The following GRIN2A variants were observed in gnomAD, a reference collection of about 807,000 sequenced individuals.
The protein encoded by GRIN2A is glutamate receptor ionotropic, NMDA 2A.
Under a neutral mutation model 113.4 loss-of-function variants are expected in GRIN2A, and 22 were observed. That is an observed-to-expected ratio of 0.19 (90% CI 0.14 to 0.28). The LOEUF (loss-of-function observed/expected upper bound fraction) is 0.28. GRIN2A is among the 10% of genes least tolerant of loss of function. The pLI, the probability that GRIN2A is intolerant of heterozygous loss-of-function variation, is 1.00. For missense variants in GRIN2A, 1,502 were observed against 1,887.0 expected (o/e 0.80, Z 3.78); for synonymous variants, 827 against 738.4 (o/e 1.12, Z -1.94).
intron 4 of GRIN2A, among the ~76,000 whole-genome samples, chr16:9,869,392 C>T (rs2043217450): frequency 6.6e-6 from 1 of 152,248 alleles, no homozygotes; most frequent in East Asian, 1.9e-4. Flanking sequence ...TAAATCACAC[C>T]AATGCACTCC....
At chr16:9,986,421 A>T (rs768513725) in intron 2 of GRIN2A, among the ~76,000 whole-genome samples, 46 of 152,336 alleles carry the variant, frequency 3.0e-4, no homozygotes, top group Admixed American at 5.2e-4. Context: ...ATTTTATTTT[A>T]TAGTGTATTT....
intron 11 of GRIN2A, among the ~76,000 whole-genome samples, chr16:9,791,748 G>T (rs560597257): frequency 6.6e-6 from 1 of 151,882 alleles, no homozygotes; most frequent in Non-Finnish European, 1.5e-5. Flanking sequence ...CCAGCACGGG[G>T]TCCCCTGCCG....
At chr16:10,021,937 G>T (rs552511020) in intron 2 of GRIN2A, among the ~76,000 whole-genome samples, 1 of 152,080 alleles carries the variant, frequency 6.6e-6, no homozygotes, top group South Asian at 2.1e-4. Flanking sequence ...TGGGCAAGTC[G>T]CTTCACCTCT....
rs192361851 is a variant in GRIN2A at position 10,144,643 on chromosome 16, G to C, written c.414+35355C>G. Among the ~76,000 whole-genome samples, 6 of 152,100 alleles carry C rather than the reference G, an allele frequency of 3.9e-5. No homozygotes were observed. The East Asian group carries it at 7.7e-4, about 20-fold the overall frequency. ...TTTCATTCTGTTGATTGTTTCCTTTGCTTCGCAGAAGTTTCATTGCAGCAT... is the reference window on the plus strand; with the variant it reads ...TTTCATTCTGTTGATTGTTTCCTTTCCTTCGCAGAAGTTTCATTGCAGCAT... On this transcript the variant is annotated intron_variant, in intron 2 of 12. Transcript: ENST00000330684.
At chr16:10,169,958 A>G (rs1175227352) in intron 2 of GRIN2A, among the ~76,000 whole-genome samples, 1 of 152,204 alleles carries the variant, frequency 6.6e-6, no homozygotes, top group Non-Finnish European at 1.5e-5. Context: ...TGGTCAATAC[A>G]AAATAAACAA....
intron 2 of GRIN2A, among the ~76,000 whole-genome samples, chr16:10,114,006 C>A (rs2048677616): frequency 6.6e-6 from 1 of 151,678 alleles, no homozygotes; most frequent in African/African-American, 2.4e-5. Context: ...TAACAAAGAC[C>A]CTCGTTCTTA....
intron 2 of GRIN2A, among the ~76,000 whole-genome samples, chr16:10,165,727 AGGGGAGAAAGGAGGG>A (rs1596570387): frequency 4.5e-5 from 2 of 44,686 alleles, no homozygotes; most frequent in Non-Finnish European, 7.9e-5. Context: ...AAAGGAGGGG[AGGGGAGAAAGGAGGG>A]GAGGGGAGAA....
At chr16:10,087,481 C>T (rs1017897830) in intron 2 of GRIN2A, among the ~76,000 whole-genome samples, 2 of 152,182 alleles carry the variant, frequency 1.3e-5, no homozygotes, top group Non-Finnish European at 2.9e-5. Context: ...AGGAGCCCTC[C>T]GTCAGTCTGA....
intron 4 of GRIN2A, among the ~76,000 whole-genome samples, chr16:9,882,779 G>A (rs1337476771): frequency 2.0e-5 from 3 of 152,032 alleles, no homozygotes; most frequent in Non-Finnish European, 4.4e-5. Context: ...GTGAGACCAT[G>A]TCTCTAAAAA....
chr16:10,036,437 CTTTTTTTTTTTCTTTTTTTTTTT>C lies in GRIN2A; in HGVS notation c.415-97909_415-97887del, dbSNP rs1483473332. 2.3e-3 allele frequency among the ~76,000 whole-genome samples: 210 copies of C among 92,662 alleles called. 2 individuals are homozygous for C. The highest frequency in any genetic ancestry group is 7.9e-3 in the African/African-American group (189 of 23,990). 60.8% of individuals were successfully genotyped at this position (92,662 alleles called of 152,430 possible). On this transcript the variant is annotated intron_variant, in intron 2 of 12. Transcript: ENST00000330684. ...GCCATAATAAAAATATTAGTACTTACTTTTTTTTTTTCTTTTTTTTTTTTTTTTTTTTTTTTTTTGAGATGGAT... is the reference window on the plus strand; with the variant it reads ...GCCATAATAAAAATATTAGTACTTACTTTTTTTTTTTTTTTTGAGATGGAT...
chr16:10,089,387 A>T (rs776103952), intron 2 of GRIN2A, among the ~76,000 whole-genome samples: 8 of 152,202 alleles, frequency 5.3e-5, no homozygotes, highest in Admixed American at 4.6e-4. Context: ...TTGTATGTCA[A>T]CTATACCTCA....
At chr16:10,139,847 G>T (rs1015413778) in intron 2 of GRIN2A, among the ~76,000 whole-genome samples, 8 of 146,352 alleles carry the variant, frequency 5.5e-5, no homozygotes, top group African/African-American at 1.5e-4. Context: ...TTTTTTTTTT[G>T]AAGGGAGTCT....
chr16:9,925,198 G>A (rs2044435903), intron 3 of GRIN2A, among the ~76,000 whole-genome samples: 1 of 152,156 alleles, frequency 6.6e-6, no homozygotes, highest in Non-Finnish European at 1.5e-5. Context: ...TTTGATATTT[G>A]TTAGGCAGAG....
At chr16:9,982,257 A>G (rs746963468) in intron 2 of GRIN2A, among the ~76,000 whole-genome samples, 8 of 152,210 alleles carry the variant, frequency 5.3e-5, no homozygotes, top group Non-Finnish European at 1.0e-4. Context: ...GGCCAGAGGT[A>G]GATGCAGATC....
intron 2 of GRIN2A, among the ~76,000 whole-genome samples, chr16:10,009,599 A>C (rs977855489): frequency 5.3e-5 from 8 of 152,138 alleles, no homozygotes; most frequent in African/African-American, 1.9e-4. Context: ...GTTGCAATAG[A>C]GTCTGTGCCT....
intron 2 of GRIN2A, among the ~76,000 whole-genome samples, chr16:10,015,747 G>C (rs1016424551): frequency 1.3e-5 from 2 of 152,162 alleles, no homozygotes; most frequent in African/African-American, 4.8e-5. Flanking sequence ...CAACTGCAGG[G>C]GACAGGGAGG....
intron 11 of GRIN2A, among the ~76,000 whole-genome samples, chr16:9,785,139 C>T (rs1314141849): frequency 1.3e-5 from 2 of 152,084 alleles, no homozygotes; most frequent in Non-Finnish European, 2.9e-5. Flanking sequence ...CACATGCACA[C>T]GTGTGTTTAT....
intron 2 of GRIN2A, among the ~76,000 whole-genome samples, chr16:10,053,425 C>T (rs2047392458): frequency 6.6e-6 from 1 of 152,210 alleles, no homozygotes; most frequent in South Asian, 2.1e-4. Context: ...CAAAGTCAGC[C>T]AGCTAGCAAG....
At chr16:9,998,118 C>A (rs1205852529) in intron 2 of GRIN2A, among the ~76,000 whole-genome samples, 2 of 152,132 alleles carry the variant, frequency 1.3e-5, no homozygotes, top group Non-Finnish European at 2.9e-5. Flanking sequence ...AAAAACATGT[C>A]TTGGAGACCT....
Sources: allele counts gnomAD v4.1 joint callset (sites outside exome capture counted in the v4.1 genomes callset), GRCh38; gene constraint gnomAD v4.1.1; transcripts MANE v1.5; gene names NCBI Gene and HGNC (gene_info 2026-07-23, HGNC 2026-07-21).